Variants in VPS51 observed in about 807,000 individuals in gnomAD.
The protein encoded by VPS51 is vacuolar protein sorting-associated protein 51 homolog.
A neutral mutation model predicts 65.1 loss-of-function variants in VPS51; 55 were observed. The ratio of observed to expected loss-of-function variants is 0.84; its 90% CI spans 0.68 to 1.06. The LOEUF (loss-of-function observed/expected upper bound fraction) is 1.06. Ranked by LOEUF, VPS51 falls within the 50% of genes least tolerant of loss-of-function variation. The pLI is 0.00. For synonymous variants in VPS51, 473 were observed against 489.5 expected, an observed-to-expected ratio of 0.97 and a Z score of 0.44; for missense variants, 943 against 1,101.6, an observed-to-expected ratio of 0.86 and a Z score of 2.04.
In VPS51 at chr11:65,108,700, ACCTGCAGGGTCTCCGGGCGGCCTT is replaced by A; in HGVS notation, c.1234_1257del (p.Gln412_Leu419del). 6.2e-7 allele frequency: 1 copy of A among 1,602,614 alleles called. No homozygotes were observed. The highest frequency in any genetic ancestry group is 8.5e-7 in the Non-Finnish European group (1 of 1,177,258). ...GTGGCCCGCGAGCGCCTGGGCCACC[ACCTGCAGGGTCTCCGGGCGGCCTT>A]CCTGGGCTGCCTGACAGACGTCCGC... On this transcript the variant is annotated inframe_deletion, in exon 5 of 10. Transcript: ENST00000279281.
chr11:65,110,877 C>A, intron 9 of VPS51, 96 bp downstream of exon 9: 1 of 1,466,752 alleles, frequency 6.8e-7, no homozygotes, highest in Non-Finnish European at 9.5e-7. Context: ...GACTCTGTGA[C>A]CAACTGGGGG....
rs2137177110 is a variant in VPS51, at chr11:65,096,420, C to T, written c.170C>T (p.Pro57Leu). The change falls in exon 1 of 10, where the codon CCC becomes CTC. Residue 57 changes from proline (P) to leucine (L), a missense_variant. This residue lies in a region of VPS51 where 855 missense variants were observed against 953.7 expected (regional missense o/e 0.90). Coordinates refer to ENST00000279281, the MANE Select transcript of VPS51 (RefSeq NM_013265.4). ...GCGGGACGCCCCGCGGGGCCCGACC[C>T]CCTGGACCCGACTGATCTGAACGGG... ...EAAGRPAGPD[P>L]LDPTDLNGAH... is the part of the protein sequence containing the mutation. 6.4e-7 allele frequency: 1 copy of T among 1,553,892 alleles called. No homozygotes were observed. The highest frequency in any genetic ancestry group is 1.2e-5 in the South Asian group (1 of 84,010).
At chr11:65,096,518 G>GGGTGGGGGC in intron 1 of VPS51, 40 bp downstream of exon 1, 5 of 499,408 alleles carry the variant, frequency 1.0e-5, no homozygotes, top group East Asian at 5.2e-5. Context: ...GGGGAGGGGG[G>GGGTGGGGGC]AAGGGAACCA....
intron 7 of VPS51, chr11:65,110,246 C>T: frequency 2.9e-6 from 2 of 692,048 alleles, no homozygotes; most frequent in South Asian, 1.9e-5. Context: ...GAAGTCAGGG[C>T]AGGGTTGGTG....
At chr11:65,100,383 C>A (rs1269865697) in intron 2 of VPS51, among the ~76,000 whole-genome samples, 1 of 152,084 alleles carries the variant, frequency 6.6e-6, no homozygotes, top group African/African-American at 2.4e-5. Context: ...AAATGCTGCA[C>A]CCAGTGTGGA....
In VPS51 at chr11:65,107,043, A is replaced by G. The variant is rs557746661; in HGVS notation, c.359-538A>G. On this transcript the variant is annotated intron_variant, in intron 2 of 9. Transcript: ENST00000279281. The surrounding 1 kb of genome is among the most constrained non-coding windows in gnomAD (Gnocchi z 4.0). The stretch of plus-strand genomic sequence containing the variant: ...AGGCACCTGGTGTGTGAAAGGAAAA[A>G]CAGCCTCCCTAGGCAGGATTCTATC... The G allele has an allele frequency of 3.8e-4, 147 of 385,176 alleles. 2 individuals are homozygous for G. The highest frequency in any genetic ancestry group is 2.7e-3 in the South Asian group (143 of 53,238). 23.9% of individuals were successfully genotyped at this position (385,176 alleles called of 1,614,324 possible). A position where few individuals can be genotyped will look rare whatever the true frequency, so the allele number is the denominator to read the frequency against.
In VPS51 at chr11:65,097,008, A is replaced by G; in HGVS notation, c.239A>G (p.Glu80Gly). The change falls in exon 2 of 10, where the codon GAG becomes GGG. Residue 80 changes from glutamate (E) to glycine (G), a missense_variant. Physicochemically the swap from Glu to Gly is moderately conservative, Grantham distance 98. This residue lies in a region of VPS51 where 855 missense variants were observed against 953.7 expected (regional missense o/e 0.90). Coordinates refer to ENST00000279281, the MANE Select transcript of VPS51 (RefSeq NM_013265.4). Reference sequence around the variant, plus strand: ...ACCCAACTTCTTCAGCTGCGTAGAGAGTGCCCTCTGGCCCAGTTGATGGAC... The same window carrying G: ...ACCCAACTTCTTCAGCTGCGTAGAGGGTGCCCTCTGGCCCAGTTGATGGAC... Reference protein sequence around the residue: ...PEVYLDKLRRECPLAQLMDSE... With the variant: ...PEVYLDKLRRGCPLAQLMDSE... 1 of 1,613,630 alleles carries G rather than the reference A, an allele frequency of 6.2e-7. No homozygotes were observed. Among genetic ancestry groups the G allele is most frequent in the South Asian group, 1.1e-5 (1 of 91,064 alleles).
At chr11:65,105,988 G>A (rs898234370) in intron 2 of VPS51, among the ~76,000 whole-genome samples, 6 of 152,358 alleles carry the variant, frequency 3.9e-5, no homozygotes, top group Admixed American at 1.3e-4. Context: ...CTGAGATCGC[G>A]CCACTGCACT....
chr11:65,098,730 T>C (rs1369359678), intron 2 of VPS51, among the ~76,000 whole-genome samples: 1 of 152,230 alleles, frequency 6.6e-6, no homozygotes, highest in Non-Finnish European at 1.5e-5. Flanking sequence ...GAAATCATAG[T>C]TTCTGTGCTG....
At chr11:65,098,364 G>A (rs1255594321) in intron 2 of VPS51, among the ~76,000 whole-genome samples, 1 of 152,060 alleles carries the variant, frequency 6.6e-6, no homozygotes, top group Non-Finnish European at 1.5e-5. Flanking sequence ...TGATATTAGG[G>A]GACACAAAGA....
chr11:65,099,258 A>C (rs982637881), intron 2 of VPS51, among the ~76,000 whole-genome samples: 2 of 152,054 alleles, frequency 1.3e-5, no homozygotes, highest in African/African-American at 4.8e-5. Context: ...GGTCCTCAGG[A>C]AGGAGGGGGG....
chr11:65,111,196 C>T, intron 9 of VPS51, 131 bp from the exon 10 acceptor site: 6 of 1,368,600 alleles, frequency 4.4e-6, no homozygotes, highest in Non-Finnish European at 6.0e-6. Context: ...CCCTTCTTAT[C>T]TGGCCCCGGA....
In VPS51 at chr11:65,111,460, G is replaced by A. The variant is rs147317726; in HGVS notation, c.2222G>A (p.Arg741His). 1.2e-6 allele frequency: 2 copies of A among 1,613,874 alleles called. No individual in the cohort carries two copies. Among genetic ancestry groups the A allele is most frequent in the African/African-American group, 1.3e-5 (1 of 74,954 alleles). ...DCHFLQLYLWRFVADEELVHL... is the reference protein window; with the variant it reads ...DCHFLQLYLWHFVADEELVHL... ...CACTTTCTGCAGCTCTACCTGTGGC[G>A]TTTTGTGGCCGACGAAGAACTCGTG... The change falls in exon 10 of 10, where the codon CGT (arginine) becomes CAT (histidine). Residue 741 changes from arginine (R) to histidine (H), a missense_variant. This residue lies in a region of VPS51 where 88 missense variants were observed against 147.8 expected (regional missense o/e 0.60). Coordinates refer to ENST00000279281, the MANE Select transcript of VPS51 (RefSeq NM_013265.4).
chr11:65,109,839 C>T lies in VPS51; in HGVS notation c.1794C>T (p.Arg598=), dbSNP rs764161715. ...TGCTGCGCAAGAGCGTGGAGACTCG[C>T]GACTGGCTCAGCACTCTGGAGCCCC... The part of the protein sequence containing the change: ...SQMLRKSVET[R]DWLSTLEPRN... Residue 598 remains arginine, a synonymous_variant, in exon 7 of 10, where the codon CGC becomes CGT. Coordinates refer to ENST00000279281, the MANE Select transcript of VPS51 (RefSeq NM_013265.4). The T allele has an allele frequency of 9.9e-6, 16 of 1,611,886 alleles. No homozygotes were observed. The highest frequency in any genetic ancestry group is 7.7e-5 in the South Asian group (7 of 90,488).
chr11:65,110,857 G>C, intron 9 of VPS51, 76 bp downstream of exon 9: 2 of 1,572,490 alleles, frequency 1.3e-6, no homozygotes, highest in Non-Finnish European at 1.7e-6. Context: ...ACCTGCCCAA[G>C]GAGCCCCAGG....
intron 2 of VPS51, among the ~76,000 whole-genome samples, chr11:65,101,762 C>CAAAAAAAAAAAAAAAAAAAAA (rs1165429983): frequency 7.6e-5 from 2 of 26,348 alleles, no homozygotes; most frequent in African/African-American, 1.9e-4. Flanking sequence ...GACCTTGTCT[C>CAAAAAAAAAAAAAAAAAAAAA]AAAAAAAAAA....
At chr11:65,096,702 G>C in intron 1 of VPS51, 1 of 633,260 alleles carries the variant, frequency 1.6e-6, no homozygotes, top group Non-Finnish European at 2.7e-6. Flanking sequence ...GAGGTCTTCT[G>C]GGCTGATGTG....
In VPS51 at chr11:65,108,528, G is replaced by A. The variant is rs1195733997; in HGVS notation, c.1057G>A (p.Glu353Lys). Residue 353 changes from glutamate (E) to lysine (K), a missense_variant, in exon 5 of 10, where the codon GAG becomes AAG. Coordinates refer to ENST00000279281, the MANE Select transcript of VPS51 (RefSeq NM_013265.4). ...GGGCAGCCGCTATTTTGCGCTGGTGGAGCGGCGGCTGGCGCAGGAGCAGGG... is the reference window on the plus strand; with the variant it reads ...GGGCAGCCGCTATTTTGCGCTGGTGAAGCGGCGGCTGGCGCAGGAGCAGGG... Reference protein sequence around the residue: ...QLGSRYFALVERRLAQEQGGG... With the variant: ...QLGSRYFALVKRRLAQEQGGG... 6.3e-6 allele frequency: 10 copies of A among 1,590,738 alleles called. No homozygotes were observed. Among genetic ancestry groups the A allele is most frequent in the Non-Finnish European group, 8.5e-6 (10 of 1,174,550 alleles).
Position 65,102,658 on chromosome 11 carries a change from G to A in VPS51, c.359-4923G>A, listed in dbSNP as rs549991089. Among the ~76,000 whole-genome samples, 6 of 152,302 alleles carry A rather than the reference G, an allele frequency of 3.9e-5. No individual in the cohort carries two copies. The South Asian group carries it at 1.2e-3, about 32-fold the overall frequency. ...GGAAGGAGATTGTGTCACATGGCCTGTAAACAAAACCAGTAATTCACTGGG... is the reference window on the plus strand; with the variant it reads ...GGAAGGAGATTGTGTCACATGGCCTATAAACAAAACCAGTAATTCACTGGG... On this transcript the variant is annotated intron_variant, in intron 2 of 9. Coordinates refer to ENST00000279281, the MANE Select transcript of VPS51 (RefSeq NM_013265.4).
Sources: gnomAD v4.1 joint callset for allele counts (sites outside exome capture counted in the v4.1 genomes callset) on GRCh38, gnomAD v4.1.1 for gene constraint, gnomAD v4.1.1 regional missense constraint, Gnocchi (gnomAD v3.1) non-coding constraint, MANE v1.5 for transcripts, NCBI Gene and HGNC (gene_info 2026-07-23, HGNC 2026-07-21) for gene names.